SSUH2: variants seen among roughly 807,000 people sequenced by gnomAD.
SSUH2 encodes protein SSUH2 homolog.
Under a neutral mutation model 55.3 loss-of-function variants are expected in SSUH2, and 47 were observed. The observed-to-expected ratio is 0.85, with a 90% CI of 0.67 to 1.08. The LOEUF (loss-of-function observed/expected upper bound fraction) is 1.08. Among genes scored for constraint, SSUH2 ranks in the 50% least tolerant of loss-of-function variants. The pLI is 0.00. For missense variants in SSUH2, 535 were observed against 490.7 expected, an observed-to-expected ratio of 1.09 and a Z score of -0.85; for synonymous variants, 212 against 191.5, an observed-to-expected ratio of 1.11 and a Z score of -0.89.
intron 4 of SSUH2, among the ~76,000 whole-genome samples, chr3:8,632,678 C>T (rs929347505): frequency 1.3e-5 from 2 of 152,230 alleles, no homozygotes; most frequent in Non-Finnish European, 2.9e-5. Context: ...TGATTATGTG[C>T]TCCTCAGAGG....
At chr3:8,626,356 G>C (rs1697525337) in intron 8 of SSUH2, 35 bp from the exon 9 acceptor site, 1 of 1,571,776 alleles carries the variant, frequency 6.4e-7, no homozygotes, top group Non-Finnish European at 8.8e-7. Context: ...CCCCAGATCA[G>C]TTGCAGGTCC....
chr3:8,638,115 G>A (rs772777713), intron 1 of SSUH2, among the ~76,000 whole-genome samples: 8 of 152,146 alleles, frequency 5.3e-5, no homozygotes, highest in Admixed American at 1.3e-4. Context: ...GGGCTTGAGG[G>A]GATCAGAAAG....
intron 2 of SSUH2, among the ~76,000 whole-genome samples, chr3:8,678,265 A>G (rs405182): frequency 0.74 from 112,679 of 151,962 alleles, 41,994 homozygotes; most frequent in East Asian, 0.87. Flanking sequence ...TTGGAGTAAT[A>G]TCAACCTCTC....
chr3:8,671,809 T>A (rs947669239), intron 4 of SSUH2: 1 of 145,992 alleles, frequency 6.8e-6, no homozygotes, highest in African/African-American at 2.6e-5. Flanking sequence ...ACCCCCCCTC[T>A]CCCCACCTGG....
At position 8,630,894 on chromosome 3, in the gene SSUH2, G is replaced by T; in HGVS notation, c.436C>A (p.Pro146Thr). The T allele has an allele frequency of 6.8e-7, 1 of 1,468,960 alleles. No individual in the cohort carries two copies. Among genetic ancestry groups the T allele is most frequent in the South Asian group, 1.5e-5 (1 of 67,058 alleles). 91.0% of individuals were successfully genotyped at this position (1,468,960 alleles called of 1,614,324 possible). Residue 146 changes from proline (P) to threonine (T), a missense_variant, in exon 6 of 12, where the codon CCC (proline) becomes ACC (threonine). Pro to Thr is a conservative substitution (Grantham distance 38, BLOSUM62 -1). Coordinates refer to ENST00000544814, the MANE Select transcript of SSUH2 (RefSeq NM_001256748.3). ...SVDGPQRGAS[P>T]RLWDIKVQGP... Reference sequence around the variant, plus strand: ...TGAACCTTGATGTCCCAGAGCCTGGGGGAGGCGCCTCTTTGCGGCCCATCC... The same window carrying T: ...TGAACCTTGATGTCCCAGAGCCTGGTGGAGGCGCCTCTTTGCGGCCCATCC...
intron 1 of SSUH2, among the ~76,000 whole-genome samples, chr3:8,636,680 T>G (rs376749786): frequency 1.3e-5 from 2 of 152,198 alleles, no homozygotes; most frequent in African/African-American, 4.8e-5. Context: ...CTTAATCTCC[T>G]TCCTTCCCTC....
intron 1 of SSUH2, among the ~76,000 whole-genome samples, chr3:8,643,187 G>A (rs1701154233): frequency 6.6e-6 from 1 of 152,110 alleles, no homozygotes; most frequent in Non-Finnish European, 1.5e-5. Flanking sequence ...GATGTATTAG[G>A]CACTTTGTAG....
At chr3:8,627,839 G>T (rs951926551) in intron 7 of SSUH2, 56 bp from the exon 8 acceptor site, 1 of 1,509,832 alleles carries the variant, frequency 6.6e-7, no homozygotes, top group Non-Finnish European at 9.0e-7. Context: ...CAGGGCCAAC[G>T]GCATCCCAAG....
chr3:8,679,285 G>T lies in SSUH2; in HGVS notation c.-901+420C>A, dbSNP rs1397756935. 9.0e-5 allele frequency among the ~76,000 whole-genome samples: 7 copies of T among 77,528 alleles called. 2 individuals carry two copies. The highest frequency in any genetic ancestry group is 1.5e-4 in the Admixed American group (1 of 6,890). 50.9% of individuals were successfully genotyped at this position (77,528 alleles called of 152,430 possible). ...CTGGCTTTTAGGACCCCCATCGGAGGGGGGGAGCCACCCCCCATGAGGCGG... is the reference window on the plus strand; with the variant it reads ...CTGGCTTTTAGGACCCCCATCGGAGTGGGGGAGCCACCCCCCATGAGGCGG... On this transcript the variant is annotated intron_variant, in intron 2 of 18. Transcript: ENST00000317371.
chr3:8,681,007 G>GC (rs1468477825), intron 1 of SSUH2, among the ~76,000 whole-genome samples: 32 of 142,694 alleles, frequency 2.2e-4, no homozygotes, highest in Non-Finnish European at 4.6e-4. Flanking sequence ...CATCGCAGTG[G>GC]GGGAGGCAAC....
intron 3 of SSUH2, chr3:8,672,147 C>T (rs1435786727): frequency 2.0e-5 from 3 of 152,016 alleles, no homozygotes; most frequent in Admixed American, 6.5e-5. Flanking sequence ...GGCGTGTCCA[C>T]CCCATGCGAT....
At chr3:8,628,276 G>A (rs532836196) in intron 7 of SSUH2, among the ~76,000 whole-genome samples, 1 of 152,318 alleles carries the variant, frequency 6.6e-6, no homozygotes, top group South Asian at 2.1e-4. Context: ...GGCGAGGGAT[G>A]AAAGGGCTGG....
At chr3:8,626,530 A>C (rs1697574120) in intron 8 of SSUH2, among the ~76,000 whole-genome samples, 1 of 57,398 alleles carries the variant, frequency 1.7e-5, no homozygotes, top group Non-Finnish European at 3.4e-5. Context: ...ACATGGCTCT[A>C]GGGCCTGCCC....
At chr3:8,655,807 T>C (rs1237308399) in intron 7 of SSUH2, among the ~76,000 whole-genome samples, 2 of 152,144 alleles carry the variant, frequency 1.3e-5, no homozygotes, top group South Asian at 2.1e-4. Flanking sequence ...AGAAGAATGA[T>C]TGAAGGTAGA....
In SSUH2 at chr3:8,630,056, T is replaced by C. The variant is rs893325447; in HGVS notation, c.526-330A>G. Among the ~76,000 whole-genome samples the C allele has an allele frequency of 9.2e-5, 14 of 152,344 alleles. No individual in the cohort carries two copies. The South Asian group carries it at 1.2e-3, about 14-fold the overall frequency. On this transcript the variant is annotated intron_variant, in intron 6 of 11. Coordinates refer to ENST00000544814, the MANE Select transcript of SSUH2 (RefSeq NM_001256748.3). Reference sequence around the variant, plus strand: ...TGGCATTTGCCCATAAGGTAGCTAATGTGGTCTTTGGGAACAGAAGCCATT... The same window carrying C: ...TGGCATTTGCCCATAAGGTAGCTAACGTGGTCTTTGGGAACAGAAGCCATT...
upstream of SSUH2, among the ~76,000 whole-genome samples, chr3:8,649,023 C>T (rs1369129225): frequency 6.6e-6 from 1 of 152,126 alleles, no homozygotes; most frequent in Non-Finnish European, 1.5e-5. Context: ...TCATTCAGGG[C>T]AGCTCTGAAG....
chr3:8,638,843 C>T (rs904674843), intron 1 of SSUH2, among the ~76,000 whole-genome samples: 8 of 152,176 alleles, frequency 5.3e-5, no homozygotes, highest in African/African-American at 9.7e-5. Context: ...GCCCCCCACC[C>T]ACCCACAAGT....
chr3:8,667,644 C>T (rs1270291008), intron 5 of SSUH2, among the ~76,000 whole-genome samples: 1 of 152,192 alleles, frequency 6.6e-6, no homozygotes, highest in Non-Finnish European at 1.5e-5. Context: ...CTTATGGAGG[C>T]TTCATTACAC....
intron 5 of SSUH2, among the ~76,000 whole-genome samples, chr3:8,668,410 CAT>C (rs1385897807): frequency 6.6e-6 from 1 of 152,220 alleles, no homozygotes; most frequent in African/African-American, 2.4e-5. Flanking sequence ...TAAAATGATT[CAT>C]CTCTCTTGGA....
Sources: allele counts gnomAD v4.1 joint callset (sites outside exome capture counted in the v4.1 genomes callset), GRCh38; gene constraint gnomAD v4.1.1; transcripts MANE v1.5; gene names NCBI Gene and HGNC (gene_info 2026-07-23, HGNC 2026-07-21).